LINC00237: variants seen among roughly 807,000 people sequenced by gnomAD.
LINC00237 encodes the protein long intergenic non-protein coding RNA 237.
At chr20:21,105,108 C>A (rs1008089701) in intron 1 of LINC00237, among the ~76,000 whole-genome samples, 10 of 152,204 alleles carry the variant, frequency 6.6e-5, no homozygotes, top group African/African-American at 2.2e-4. Context: ...TCTGCAGGGC[C>A]TCTCTGGGTG....
intron 2 of LINC00237, chr20:21,093,091 A>T (rs949513160): frequency 6.6e-6 from 1 of 152,176 alleles, no homozygotes; most frequent in Non-Finnish European, 1.5e-5. Flanking sequence ...TCCACTACAC[A>T]TTTCCAAGAA....
chr20:21,099,241 C>T (rs899304115), intron 1 of LINC00237, among the ~76,000 whole-genome samples: 1 of 152,150 alleles, frequency 6.6e-6, no homozygotes, highest in Non-Finnish European at 1.5e-5. Context: ...AGGATAGCCC[C>T]GAGCCAGGCA....
At chr20:21,099,114 T>C (rs2030896343) in intron 1 of LINC00237, among the ~76,000 whole-genome samples, 1 of 152,138 alleles carries the variant, frequency 6.6e-6, no homozygotes, top group South Asian at 2.1e-4. Flanking sequence ...GCTAAATCTG[T>C]GAAAGGATGT....
chr20:21,086,962 ATATATATACACTC>A (rs2030719607), intron 3 of LINC00237, among the ~76,000 whole-genome samples: 1 of 138,602 alleles, frequency 7.2e-6, no homozygotes, highest in African/African-American at 2.6e-5. Flanking sequence ...GTACTATAGT[ATATATATACACTC>A]TATATGTACT....
intron 2 of LINC00237, among the ~76,000 whole-genome samples, chr20:21,092,310 T>TA (rs1293806155): frequency 6.6e-6 from 1 of 152,214 alleles, no homozygotes; most frequent in Admixed American, 6.5e-5. Flanking sequence ...CCAACATTCG[T>TA]ATCTGACGAT....
At chr20:21,097,465 A>T (rs759913075) in intron 1 of LINC00237, among the ~76,000 whole-genome samples, 12 of 150,016 alleles carry the variant, frequency 8.0e-5, no homozygotes, top group Middle Eastern at 3.4e-3. Flanking sequence ...ATGTCAATTT[A>T]AAAAAAAAAT....
At chr20:21,104,667 G>A (rs1186394494) in intron 1 of LINC00237, among the ~76,000 whole-genome samples, 1 of 152,176 alleles carries the variant, frequency 6.6e-6, no homozygotes, top group Non-Finnish European at 1.5e-5. Context: ...GAAGGGTTTT[G>A]TGTGTTCCAA....
intron 1 of LINC00237, among the ~76,000 whole-genome samples, chr20:21,097,304 AC>A (rs1416199310): frequency 3.3e-5 from 5 of 152,208 alleles, no homozygotes; most frequent in Admixed American, 6.5e-5. Flanking sequence ...CATAACTTTT[AC>A]ATGCTAACCT....
intron 2 of LINC00237, chr20:21,090,379 C>T (rs2030776239): frequency 2.6e-5 from 4 of 152,206 alleles, no homozygotes; most frequent in Admixed American, 2.6e-4. Context: ...TTTCCATTCT[C>T]TCAGCAGTCT....
Position 21,101,074 on chromosome 20 carries a change from G to A in LINC00237, n.88+5197C>T, listed in dbSNP as rs2122182101. ...AGCCCCACCGAGAGCCGCTGAATGG[G>A]CGTGATTAGCATGTGAAAAGGCGAG... On this transcript the variant is annotated intron_variant and non_coding_transcript_variant, in intron 1 of 3. Coordinates refer to ENST00000691244, the Ensembl canonical transcript of LINC00237. This position sits in a 1 kb window ranked among gnomAD's most constrained non-coding sequence, Gnocchi z 4.3. 6.6e-6 allele frequency among the ~76,000 whole-genome samples: 1 copy of A among 152,302 alleles called. No individual in the cohort carries two copies. The highest frequency in any genetic ancestry group is 2.4e-5 in the African/African-American group (1 of 41,560).
At chr20:21,103,575 A>C (rs2030960728) in intron 1 of LINC00237, among the ~76,000 whole-genome samples, 1 of 152,198 alleles carries the variant, frequency 6.6e-6, no homozygotes, top group Admixed American at 6.5e-5. Flanking sequence ...TATGAAATCA[A>C]ATGATCCTAT....
intron 3 of LINC00237, among the ~76,000 whole-genome samples, chr20:21,086,155 G>T (rs2030689737): frequency 6.6e-6 from 1 of 152,174 alleles, no homozygotes; most frequent in Admixed American, 6.5e-5. Context: ...CCCCTCCTCA[G>T]ACAGAGACCC....
At chr20:21,091,966 G>A (rs1305280422) in intron 2 of LINC00237, among the ~76,000 whole-genome samples, 3 of 152,080 alleles carry the variant, frequency 2.0e-5, no homozygotes, top group Non-Finnish European at 2.9e-5. Context: ...TTTTGAGAGA[G>A]GAGTTTTGTA....
chr20:21,103,344 G>A (rs1005540049), intron 1 of LINC00237, among the ~76,000 whole-genome samples: 10 of 152,164 alleles, frequency 6.6e-5, no homozygotes, highest in African/African-American at 2.2e-4. Context: ...TGGAGGGGGC[G>A]GTGGCAGGGA....
chr20:21,100,539 T>G (rs1215087134), intron 1 of LINC00237, among the ~76,000 whole-genome samples: 2 of 152,268 alleles, frequency 1.3e-5, no homozygotes, highest in African/African-American at 4.8e-5. Flanking sequence ...TACTTATTTT[T>G]TAGGAGTTTT....
chr20:21,098,572 A>G (rs1004721609), intron 1 of LINC00237, among the ~76,000 whole-genome samples: 1 of 152,240 alleles, frequency 6.6e-6, no homozygotes, highest in Non-Finnish European at 1.5e-5. Context: ...TTAAAGCTCA[A>G]TGCTACCTGG....
At chr20:21,095,907 G>A (rs1299560043) in intron 1 of LINC00237, among the ~76,000 whole-genome samples, 1 of 152,214 alleles carries the variant, frequency 6.6e-6, no homozygotes, top group Non-Finnish European at 1.5e-5. Flanking sequence ...AGTGACTGAT[G>A]GAATTGGTCT....
intron 2 of LINC00237, among the ~76,000 whole-genome samples, chr20:21,091,202 T>A (rs6035779): frequency 6.6e-6 from 1 of 152,074 alleles, no homozygotes; most frequent in Non-Finnish European, 1.5e-5. Context: ...CCTTTTTTTA[T>A]GGCATCCAGG....
At chr20:21,097,901 C>T (rs1489687689) in intron 1 of LINC00237, among the ~76,000 whole-genome samples, 6 of 152,100 alleles carry the variant, frequency 3.9e-5, no homozygotes, top group Admixed American at 3.9e-4. Flanking sequence ...CTGGAGAGGG[C>T]TCATTAGTTT....
Sources: gnomAD v4.1 joint callset for allele counts (sites outside exome capture counted in the v4.1 genomes callset) on GRCh38, gnomAD v4.1.1 for gene constraint, Gnocchi (gnomAD v3.1) non-coding constraint, MANE v1.5 for transcripts, NCBI Gene and HGNC (gene_info 2026-07-23, HGNC 2026-07-21) for gene names.